Variants in OR1J2 observed in about 807,000 individuals in gnomAD.
OR1J2 encodes olfactory receptor 1J2.
For synonymous variants in OR1J2, 142 were observed against 99.7 expected (o/e 1.42, Z -2.52); for missense variants, 304 against 246.1 (o/e 1.24, Z -1.57).
At chr9:122,535,342 C>A in the OR1J2 span, among the ~76,000 whole-genome samples, 1 of 152,106 alleles carries the variant, frequency 6.6e-6, no homozygotes, top group Non-Finnish European at 1.5e-5. Context: ...GGTCTGACAC[C>A]TCTGAAACCT....
chr9:122,473,968 G>A, the OR1J2 span, among the ~76,000 whole-genome samples: 80 of 152,268 alleles, frequency 5.3e-4, no homozygotes, highest in African/African-American at 1.9e-3. Context: ...GTATCTGTGC[G>A]ATTGCTAATA....
the OR1J2 span, among the ~76,000 whole-genome samples, chr9:122,529,140 T>G: frequency 6.6e-6 from 1 of 152,202 alleles, no homozygotes; most frequent in Non-Finnish European, 1.5e-5. Context: ...TTACAACTTT[T>G]CTGAGGGATC....
the OR1J2 span, among the ~76,000 whole-genome samples, chr9:122,504,519 G>T: frequency 0.31 from 46,879 of 151,960 alleles, 8,420 homozygotes; most frequent in East Asian, 0.47. Flanking sequence ...AAAATATGAA[G>T]AGGCCTACCA....
downstream of OR1J2, among the ~76,000 whole-genome samples, chr9:122,515,551 G>T (rs964618325): frequency 3.9e-5 from 6 of 152,020 alleles, no homozygotes; most frequent in Non-Finnish European, 8.8e-5. Context: ...TACATAAATT[G>T]GTGGGCATAT....
the OR1J2 span, among the ~76,000 whole-genome samples, chr9:122,485,250 G>A: frequency 1.3e-5 from 2 of 152,254 alleles, no homozygotes; most frequent in Admixed American, 1.3e-4. Context: ...TATTGAATTA[G>A]AATTTCAGCA....
At chr9:122,453,193 A>G in the OR1J2 span, among the ~76,000 whole-genome samples, 1 of 152,166 alleles carries the variant, frequency 6.6e-6, no homozygotes, top group African/African-American at 2.4e-5. Context: ...ATGCTTGTGC[A>G]GTGTGCAGAA....
the OR1J2 span, among the ~76,000 whole-genome samples, chr9:122,534,998 G>C: frequency 6.6e-6 from 1 of 152,140 alleles, no homozygotes; most frequent in Non-Finnish European, 1.5e-5. Context: ...TTTTAGGTCA[G>C]GTGTGAGTTG....
At chr9:122,576,128 C>T in the OR1J2 span, among the ~76,000 whole-genome samples, 1 of 152,084 alleles carries the variant, frequency 6.6e-6, no homozygotes, top group African/African-American at 2.4e-5. Context: ...CTTTTAAGAA[C>T]AGATAGTTCA....
chr9:122,508,078 A>G (rs1179544164), upstream of OR1J2, among the ~76,000 whole-genome samples: 1 of 149,510 alleles, frequency 6.7e-6, no homozygotes, highest in Non-Finnish European at 1.5e-5. Flanking sequence ...ATTGCCTTCA[A>G]AGTGGGAGTA....
chr9:122,555,868 A>G, the OR1J2 span, among the ~76,000 whole-genome samples: 8 of 152,322 alleles, frequency 5.3e-5, no homozygotes, highest in Middle Eastern at 3.4e-3. Flanking sequence ...ATTAGCCTCC[A>G]CTGACACATC....
the OR1J2 span, among the ~76,000 whole-genome samples, chr9:122,544,867 C>A: frequency 2.6e-5 from 4 of 151,964 alleles, no homozygotes; most frequent in African/African-American, 7.3e-5. Flanking sequence ...GTTTTTATTT[C>A]TTTCTTTTTA....
At chr9:122,507,161 G>A (rs950339049), upstream of OR1J2, among the ~76,000 whole-genome samples, 4 of 152,172 alleles carry the variant, frequency 2.6e-5, no homozygotes, top group African/African-American at 9.7e-5. Flanking sequence ...AAGGACAAAC[G>A]TCTCTCCAAA....
the OR1J2 span, among the ~76,000 whole-genome samples, chr9:122,574,352 T>G: frequency 6.6e-6 from 1 of 152,206 alleles, no homozygotes; most frequent in Non-Finnish European, 1.5e-5. Context: ...GAATTACTAT[T>G]TAGTTCTTTT....
the OR1J2 span, among the ~76,000 whole-genome samples, chr9:122,482,255 AG>A: frequency 6.6e-6 from 1 of 152,210 alleles, no homozygotes; most frequent in Non-Finnish European, 1.5e-5. Context: ...AATGGCCAAT[AG>A]GTATATGGAA....
the OR1J2 span, chr9:122,568,575 G>T: frequency 2.7e-6 from 2 of 752,760 alleles, no homozygotes; most frequent in Non-Finnish European, 2.1e-6. Context: ...TGTTTCTTCT[G>T]TTTGGTCACA....
chr9:122,466,097 C>T, the OR1J2 span, among the ~76,000 whole-genome samples: 1 of 152,162 alleles, frequency 6.6e-6, no homozygotes. Context: ...GGTTCATATA[C>T]TTTTTGTGAA....
the OR1J2 span, chr9:122,568,661 T>G: frequency 3.8e-6 from 2 of 529,118 alleles, no homozygotes; most frequent in Non-Finnish European, 6.6e-6. Context: ...CCCAAATCTA[T>G]GGGCTCCATA....
chr9:122,460,902 T>G, the OR1J2 span, among the ~76,000 whole-genome samples: 1 of 152,188 alleles, frequency 6.6e-6, no homozygotes, highest in Non-Finnish European at 1.5e-5. Context: ...GTTCTTGATT[T>G]GATTCTCAGC....
the OR1J2 span, among the ~76,000 whole-genome samples, chr9:122,555,674 G>A: frequency 1.3e-5 from 2 of 152,132 alleles, no homozygotes; most frequent in Non-Finnish European, 2.9e-5. Context: ...AATTTGTAGG[G>A]CAGGCTGGAA....
Sources: gnomAD v4.1 joint callset for allele counts (sites outside exome capture counted in the v4.1 genomes callset) on GRCh38, gnomAD v4.1.1 for gene constraint, MANE v1.5 for transcripts, NCBI Gene and HGNC (gene_info 2026-07-23, HGNC 2026-07-21) for gene names.